SETD1A: variants seen among roughly 807,000 people sequenced by gnomAD.
SETD1A encodes the protein SET domain containing 1A, histone lysine methyltransferase, also known as histone-lysine N-methyltransferase SETD1A.
Under a neutral mutation model 149.9 loss-of-function variants are expected in SETD1A, and 29 were observed. The observed-to-expected ratio is 0.19, with a 90% CI of 0.14 to 0.26. The LOEUF (loss-of-function observed/expected upper bound fraction) is 0.26. Ranked by LOEUF, SETD1A falls within the 10% of genes least tolerant of loss-of-function variation. The pLI, the probability that SETD1A is intolerant of heterozygous loss-of-function variation, is 1.00. For missense variants in SETD1A, 2,109 were observed against 2,353.1 expected (o/e 0.90, Z 2.15); for synonymous variants, 1,141 against 968.5 (o/e 1.18, Z -3.31).
rs75921892 is a variant in SETD1A, at chr16:30,980,696, C to T, written c.4581+39C>T. The T allele has an allele frequency of 1.9e-6, 3 of 1,610,668 alleles. No homozygotes were observed. The highest frequency in any genetic ancestry group is 1.1e-5 in the South Asian group (1 of 90,866). ...CGCCGCCGCGTCCTCCTGCCACTCA[C>T]TTCCCTGCCCTGCTCACCTCCTCCC... On this transcript the variant is annotated intron_variant, in intron 15 of 18. Coordinates refer to ENST00000262519, the MANE Select transcript of SETD1A (RefSeq NM_014712.3). This position sits in a 1 kb window ranked among gnomAD's most constrained non-coding sequence, Gnocchi z 7.7.
chr16:30,976,625 G>A (rs192835358), intron 13 of SETD1A, among the ~76,000 whole-genome samples: 61 of 152,262 alleles, frequency 4.0e-4, no homozygotes, highest in Non-Finnish European at 6.9e-4. Context: ...GTGCAGTGGG[G>A]CAGACTGAAT....
rs774334984 is a variant in SETD1A at position 30,969,660 on chromosome 16, C to A, written c.2987C>A (p.Thr996Asn). 68 of 1,613,984 alleles carry A rather than the reference C, an allele frequency of 4.2e-5. No homozygotes were observed. Among genetic ancestry groups the A allele is most frequent in the Non-Finnish European group, 5.3e-5 (63 of 1,179,956 alleles). The change falls in exon 12 of 19, where the codon ACC becomes AAC. Residue 996 changes from threonine (T) to asparagine (N), a missense_variant. Physicochemically the swap from Thr to Asn is moderately conservative, Grantham distance 65. Coordinates refer to ENST00000262519, the MANE Select transcript of SETD1A (RefSeq NM_014712.3). Reference protein sequence around the residue: ...EDEDREEAVDTTKKETEVSDG... With the variant: ...EDEDREEAVDNTKKETEVSDG... ...GAAGATCGAGAGGAAGCTGTGGATA[C>A]CACAAAGAAGGAGACAGAGGTGTCG...
In SETD1A at chr16:30,980,460, C is replaced by G. The variant is rs745707606; in HGVS notation, c.4409-25C>G. The G allele has an allele frequency of 1.9e-6, 3 of 1,597,464 alleles. No individual in the cohort carries two copies. Among genetic ancestry groups the G allele is most frequent in the Non-Finnish European group, 2.6e-6 (3 of 1,170,388 alleles). ...GGGACGCAGGTGGCCAGAGAGGAGCCGTTCTCTTCCTTAACACCCTGCACT... is the reference window on the plus strand; with the variant it reads ...GGGACGCAGGTGGCCAGAGAGGAGCGGTTCTCTTCCTTAACACCCTGCACT... On this transcript the variant is annotated intron_variant, in intron 14 of 18. Coordinates refer to ENST00000262519, the MANE Select transcript of SETD1A (RefSeq NM_014712.3). This position sits in a 1 kb window ranked among gnomAD's most constrained non-coding sequence, Gnocchi z 7.7.
Position 30,967,513 on chromosome 16 carries a change from G to A in SETD1A, c.2695G>A (p.Glu899Lys), listed in dbSNP as rs2056164604. Residue 899 changes from glutamate to lysine, a missense_variant, in exon 10 of 19, where the codon GAG becomes AAG. Physicochemically the swap from Glu to Lys is moderately conservative, Grantham distance 56. This residue lies in a region of SETD1A where 832 missense variants were observed against 815.6 expected (regional missense o/e 1.02). Coordinates refer to ENST00000262519, the MANE Select transcript of SETD1A (RefSeq NM_014712.3). ...CCCCATCCCCCAGGTAAAGCGGAAA[G>A]AGCCATCGGAAATTTCCGAGGCCAG... The part of the protein sequence containing the change: ...RLPSFKVKRK[E>K]PSEISEASEE... 1 of 1,613,912 alleles carries A rather than the reference G, an allele frequency of 6.2e-7. No homozygotes were observed. Among genetic ancestry groups the A allele is most frequent in the Non-Finnish European group, 8.5e-7 (1 of 1,179,974 alleles).
chr16:30,967,111 C>T (rs984161187), intron 9 of SETD1A, 51 bp downstream of exon 9: 15 of 1,423,100 alleles, frequency 1.1e-5, no homozygotes, highest in Admixed American at 5.3e-5. Context: ...GGAGAGGGGG[C>T]CCCCTTCCTT....
rs1207136081 is a variant in SETD1A at position 30,958,860 on chromosome 16, T to C, written c.129T>C (p.Asp43=). ...RRPSQKVYRY[D]GVHFSVNDSK... ...CTTCTCAGAAGGTGTACCGCTATGA[T>C]GGAGTCCACTTCAGTGTCAACGTGA... The change falls in exon 2 of 19, where the codon GAT becomes GAC. Residue 43 remains aspartate, a synonymous_variant. Transcript: ENST00000262519. 2 of 1,614,072 alleles carry C rather than the reference T, an allele frequency of 1.2e-6. No individual in the cohort carries two copies. Among genetic ancestry groups the C allele is most frequent in the South Asian group, 2.2e-5 (2 of 91,092 alleles).
intron 10 of SETD1A, among the ~76,000 whole-genome samples, chr16:30,968,754 T>C (rs1250882016): frequency 1.3e-5 from 2 of 151,900 alleles, no homozygotes; most frequent in East Asian, 3.9e-4. Context: ...TGAGCTGAGA[T>C]TGTGCCACTG....
rs1004779174 is a variant in SETD1A, at chr16:30,967,728, AG to A, written c.2770+142del. 7.2e-6 allele frequency: 5 copies of A among 697,294 alleles called. No individual in the cohort carries two copies. The African/African-American group carries it at 9.1e-5, about 13-fold the overall frequency. The allele number at this position is 697,294 out of a possible 1,614,324, so 43.2% of individuals were successfully genotyped here. A position where few individuals can be genotyped will look rare whatever the true frequency, so the allele number is the denominator to read the frequency against. ...AGGGTTGAAATGCAGCAGTTCTGAG[AG>A]GTATGGGATGCACCAGGTAGAGTTA... On this transcript the variant is annotated intron_variant, in intron 10 of 18. Transcript: ENST00000262519.
chr16:30,964,052 T>G, intron 5 of SETD1A, 42 bp from the exon 6 acceptor site: 2 of 1,520,810 alleles, frequency 1.3e-6, no homozygotes, highest in Non-Finnish European at 1.8e-6. Flanking sequence ...CAAGTGGTGT[T>G]TGAGCCCATT....
In SETD1A at chr16:30,969,595, T is replaced by C. The variant is rs780745320; in HGVS notation, c.2929-7T>C. ...CCTGTTAGTCCTCATTTGTCTTTTTTCTTAAGGATGAGGAGGATGACGAGG... is the reference window on the plus strand; with the variant it reads ...CCTGTTAGTCCTCATTTGTCTTTTTCCTTAAGGATGAGGAGGATGACGAGG... On this transcript the variant is annotated splice_region_variant and splice_polypyrimidine_tract_variant and intron_variant, in intron 11 of 18. Transcript: ENST00000262519. The C allele has an allele frequency of 2.5e-6, 4 of 1,613,820 alleles. No homozygotes were observed. The South Asian group carries it at 4.4e-5, about 18-fold the overall frequency.
At position 30,959,075 on chromosome 16, in the gene SETD1A, C is replaced by T; in HGVS notation, c.151-16C>T. The T allele has an allele frequency of 3.1e-6, 5 of 1,588,668 alleles. No individual in the cohort carries two copies. The highest frequency in any genetic ancestry group is 4.3e-6 in the Non-Finnish European group (5 of 1,156,822). ...TTCACCCTGAGCTCTCTTTCTGCTG[C>T]TGCTTTCCTTCCTAGGACTCAAAGT... On this transcript the variant is annotated splice_polypyrimidine_tract_variant and intron_variant, in intron 2 of 18. Coordinates refer to ENST00000262519, the MANE Select transcript of SETD1A (RefSeq NM_014712.3).
chr16:30,966,027 C>T lies in SETD1A; in HGVS notation c.2146C>T (p.Leu716Phe), dbSNP rs780687460. ...CGGTGGGGCCTTTGGGGAGGCCTTC[C>T]TCCCGTTTCCACCCCCGCAGGAGGC... ...PPGGAFGEAFLPFPPPQEAAY... is the reference protein window; with the variant it reads ...PPGGAFGEAFFPFPPPQEAAY... Residue 716 changes from leucine (L) to phenylalanine (F), a missense_variant, in exon 8 of 19, where the codon CTC becomes TTC. This residue lies in a region of SETD1A where 431 missense variants were observed against 388.6 expected (regional missense o/e 1.11). Transcript: ENST00000262519. 1.3e-6 allele frequency: 2 copies of T among 1,564,008 alleles called. No individual in the cohort carries two copies. Among genetic ancestry groups the T allele is most frequent in the Non-Finnish European group, 1.7e-6 (2 of 1,155,282 alleles).
rs2056047386 is a variant in SETD1A at position 30,961,173 on chromosome 16, C to T, written c.247-94C>T. 3.0e-6 allele frequency: 4 copies of T among 1,339,898 alleles called. No homozygotes were observed. In the South Asian group the frequency reaches 5.0e-5, roughly 17 times the overall value. The allele number at this position is 1,339,898 out of a possible 1,614,324, so 83.0% of individuals were successfully genotyped here. Reference sequence around the variant, plus strand: ...TTGCCCCTCACTTTCCCGGATCTCTCTCTTGACTTCATGGAGCTTGCTAAA... The same window carrying T: ...TTGCCCCTCACTTTCCCGGATCTCTTTCTTGACTTCATGGAGCTTGCTAAA... On this transcript the variant is annotated intron_variant, in intron 3 of 18. Coordinates refer to ENST00000262519, the MANE Select transcript of SETD1A (RefSeq NM_014712.3). This position sits in a 1 kb window ranked among gnomAD's most constrained non-coding sequence, Gnocchi z 4.0.
chr16:30,963,115 T>G (rs2056076457), intron 4 of SETD1A, among the ~76,000 whole-genome samples: 1 of 152,252 alleles, frequency 6.6e-6, no homozygotes, highest in Admixed American at 6.5e-5. Context: ...TGACCAATTC[T>G]GTGACTTTGT....
rs2056327608 is a variant in SETD1A at position 30,979,204 on chromosome 16, C to T, written c.3418C>T (p.Pro1140Ser). 6.4e-7 allele frequency: 1 copy of T among 1,574,738 alleles called. No individual in the cohort carries two copies. Among genetic ancestry groups the T allele is most frequent in the East Asian group, 2.3e-5 (1 of 43,740 alleles). ...GCGTCCCCCAGAACCACCTGCTGGG[C>T]CCCCGGCCCCTGCCCCACGCCCCGA... ...PLRPPEPPAG[P>S]PAPAPRPDER... Residue 1140 changes from proline (P) to serine (S), a missense_variant, in exon 14 of 19, where the codon CCC becomes TCC. By Grantham distance (74) the Pro-to-Ser change is moderately conservative (BLOSUM62 -1). Coordinates refer to ENST00000262519, the MANE Select transcript of SETD1A (RefSeq NM_014712.3).
In SETD1A at chr16:30,980,540, G is replaced by C; in HGVS notation, c.4464G>C (p.Glu1488Asp). 1.2e-6 allele frequency: 2 copies of C among 1,614,154 alleles called. No homozygotes were observed. The highest frequency in any genetic ancestry group is 1.7e-5 in the Admixed American group (1 of 60,028). The stretch of plus-strand genomic sequence containing the variant: ...GGCGGCCCCAGGATGGGCCCCGGGA[G>C]CACCAGACAGGCTCAGCCCGCAGCG... ...RKRRPQDGPR[E>D]HQTGSARSEG... The change falls in exon 15 of 19, where the codon GAG (glutamate) becomes GAC (aspartate). Residue 1488 changes from glutamate to aspartate, a missense_variant. Physicochemically the swap from Glu to Asp is conservative, Grantham distance 45. Transcript: ENST00000262519. The surrounding 1 kb of genome is among the most constrained non-coding windows in gnomAD (Gnocchi z 7.7).
chr16:30,970,221 A>T (rs2056207799), intron 12 of SETD1A, among the ~76,000 whole-genome samples: 1 of 148,136 alleles, frequency 6.8e-6, no homozygotes, highest in Non-Finnish European at 1.5e-5. Flanking sequence ...CACCCACCTC[A>T]GCCTCTGGAA....
In SETD1A at chr16:30,984,612, C is replaced by T. The variant is rs1039571732; in HGVS notation, c.*589C>T. 6.5e-6 allele frequency: 1 copy of T among 153,284 alleles called. No individual in the cohort carries two copies. The highest frequency in any genetic ancestry group is 2.4e-5 in the African/African-American group (1 of 41,450). The allele number at this position is 153,284 out of a possible 1,614,324, so 9.5% of individuals were successfully genotyped here. ...GGCTGGACTGTACATATGTTAATAG[C>T]GCAAACCCGACGCCACATTTTTATA... On this transcript the variant is annotated 3_prime_UTR_variant, in exon 19 of 19. Coordinates refer to ENST00000262519, the MANE Select transcript of SETD1A (RefSeq NM_014712.3).
chr16:30,968,489 T>C (rs943351854), intron 10 of SETD1A, among the ~76,000 whole-genome samples: 23 of 151,090 alleles, frequency 1.5e-4, no homozygotes, highest in Admixed American at 1.2e-3. Context: ...CATATATATA[T>C]ACACACACAT....
Sources: allele counts gnomAD v4.1 joint callset (sites outside exome capture counted in the v4.1 genomes callset), GRCh38; gene constraint gnomAD v4.1.1; regional missense constraint gnomAD v4.1.1; non-coding constraint Gnocchi (gnomAD v3.1); transcripts MANE v1.5; gene names NCBI Gene and HGNC (gene_info 2026-07-23, HGNC 2026-07-21).